SPAG16: variants seen among roughly 807,000 people sequenced by gnomAD.
The protein encoded by SPAG16 is sperm-associated antigen 16 protein.
Under a neutral mutation model 80.4 loss-of-function variants are expected in SPAG16, and 86 were observed. That is an observed-to-expected ratio of 1.07 (90% CI 0.90 to 1.28). The LOEUF is 1.28. Ranked by LOEUF, SPAG16 falls within the 50% of genes most tolerant of loss-of-function variation. The pLI, the probability that SPAG16 is intolerant of heterozygous loss-of-function variation, is 0.00. For missense variants in SPAG16, 870 were observed against 765.3 expected, an observed-to-expected ratio of 1.14 and a Z score of -1.61; for synonymous variants, 294 against 265.9, an observed-to-expected ratio of 1.11 and a Z score of -1.03.
At chr2:214,182,969 A>T (rs1459420925) in intron 15 of SPAG16, among the ~76,000 whole-genome samples, 2 of 151,970 alleles carry the variant, frequency 1.3e-5, no homozygotes, top group Admixed American at 1.3e-4. Context: ...GGTCATAGCG[A>T]TGAAGTGCCT....
intron 8 of SPAG16, among the ~76,000 whole-genome samples, chr2:213,369,413 T>C (rs1234418453): frequency 1.3e-5 from 2 of 152,134 alleles, no homozygotes; most frequent in African/African-American, 4.8e-5. Context: ...GTATGTAAAA[T>C]AAAGGAAAAT....
intron 10 of SPAG16, among the ~76,000 whole-genome samples, chr2:213,815,741 GT>G (rs1329987689): frequency 6.6e-6 from 1 of 151,744 alleles, no homozygotes; most frequent in Non-Finnish European, 1.5e-5. Flanking sequence ...CAAATGAAAT[GT>G]TTTTTAAAAT....
At chr2:214,335,069 A>G (rs1167291255) in intron 15 of SPAG16, among the ~76,000 whole-genome samples, 1 of 152,212 alleles carries the variant, frequency 6.6e-6, no homozygotes, top group East Asian at 1.9e-4. Context: ...AAGAACAGTA[A>G]TGAACTTGCA....
intron 15 of SPAG16, among the ~76,000 whole-genome samples, chr2:214,326,340 C>T (rs902401730): frequency 6.6e-6 from 1 of 152,174 alleles, no homozygotes; most frequent in Non-Finnish European, 1.5e-5. Flanking sequence ...GGAATAGAAT[C>T]TCCCCTAGAG....
Position 213,717,155 on chromosome 2 carries a change from C to CTT in SPAG16, c.1071-145330_1071-145329insTT, listed in dbSNP as rs1339762204. ...TCAACTGTGAAAAGCAGAAACTTTT[C>CTT]ATTTTTTTTTTTTTTTTTGAGACGG... On this transcript the variant is annotated intron_variant, in intron 10 of 15. Coordinates refer to ENST00000331683, the MANE Select transcript of SPAG16 (RefSeq NM_024532.5). Among the ~76,000 whole-genome samples, 9 of 139,166 alleles carry CTT rather than the reference C, an allele frequency of 6.5e-5. 1 individual carries two copies. The highest frequency in any genetic ancestry group is 2.3e-4 in the South Asian group (1 of 4,360). 91.3% of individuals were successfully genotyped at this position (139,166 alleles called of 152,430 possible).
chr2:213,825,775 T>C (rs529241331), intron 10 of SPAG16, among the ~76,000 whole-genome samples: 1 of 150,296 alleles, frequency 6.7e-6, no homozygotes, highest in South Asian at 2.1e-4. Flanking sequence ...ACTCATATAA[T>C]GGGTTCGGAA....
intron 10 of SPAG16, among the ~76,000 whole-genome samples, chr2:213,684,657 C>T (rs1323109206): frequency 6.6e-6 from 1 of 152,124 alleles, no homozygotes. Context: ...GACTTTTCCG[C>T]TCTTATAGCA....
intron 10 of SPAG16, among the ~76,000 whole-genome samples, chr2:213,645,218 A>C (rs1344849892): frequency 6.6e-6 from 1 of 152,108 alleles, no homozygotes; most frequent in Non-Finnish European, 1.5e-5. Context: ...GTGGTGAATG[A>C]GGAACTGGAC....
intron 10 of SPAG16, among the ~76,000 whole-genome samples, chr2:213,534,199 C>T (rs993281872): frequency 6.6e-6 from 1 of 151,976 alleles, no homozygotes; most frequent in Non-Finnish European, 1.5e-5. Context: ...TGGTGTTAAT[C>T]TTTGGGCTAT....
chr2:214,046,947 CAAATA>C (rs2049361727), intron 13 of SPAG16, among the ~76,000 whole-genome samples: 1 of 146,670 alleles, frequency 6.8e-6, no homozygotes, highest in Non-Finnish European at 1.5e-5. Flanking sequence ...ACATTAGGTA[CAAATA>C]AAATAATATA....
At chr2:213,814,829 G>T (rs567265780) in intron 10 of SPAG16, among the ~76,000 whole-genome samples, 1 of 151,536 alleles carries the variant, frequency 6.6e-6, no homozygotes, top group East Asian at 1.9e-4. Flanking sequence ...GACATTACAT[G>T]AAGATAAGGG....
intron 8 of SPAG16, among the ~76,000 whole-genome samples, chr2:213,371,905 C>G (rs1174271818): frequency 6.6e-6 from 1 of 151,998 alleles, no homozygotes; most frequent in African/African-American, 2.4e-5. Flanking sequence ...TGCTTTATTA[C>G]CTAATCTGAT....
At chr2:214,047,833 A>C (rs1015948255) in intron 13 of SPAG16, among the ~76,000 whole-genome samples, 1 of 151,886 alleles carries the variant, frequency 6.6e-6, no homozygotes, top group Non-Finnish European at 1.5e-5. Context: ...GAGCTCAAAC[A>C]ACTCTATAAA....
At chr2:213,894,147 A>T (rs941603400) in intron 11 of SPAG16, among the ~76,000 whole-genome samples, 1 of 152,182 alleles carries the variant, frequency 6.6e-6, no homozygotes, top group African/African-American at 2.4e-5. Context: ...GGAGGCCAAA[A>T]GTGCCCACTG....
intron 10 of SPAG16, among the ~76,000 whole-genome samples, chr2:213,686,289 T>C (rs1428147444): frequency 6.6e-6 from 1 of 152,170 alleles, no homozygotes; most frequent in African/African-American, 2.4e-5. Flanking sequence ...CAGCTAATTT[T>C]TGTATTTTTA....
At chr2:214,109,025 G>C (rs2053539619) in intron 14 of SPAG16, among the ~76,000 whole-genome samples, 1 of 152,080 alleles carries the variant, frequency 6.6e-6, no homozygotes, top group African/African-American at 2.4e-5. Context: ...TCCTGAATGG[G>C]TTAATGTCTT....
intron 13 of SPAG16, among the ~76,000 whole-genome samples, chr2:214,017,931 T>C (rs1405373859): frequency 2.6e-5 from 4 of 152,168 alleles, no homozygotes; most frequent in African/African-American, 9.7e-5. Flanking sequence ...TATTTTGGTT[T>C]AAATGAAATA....
At chr2:214,261,716 A>G (rs1691193528) in intron 15 of SPAG16, among the ~76,000 whole-genome samples, 1 of 152,128 alleles carries the variant, frequency 6.6e-6, no homozygotes, top group Admixed American at 6.5e-5. Context: ...TCTTTTTTCT[A>G]TCATCTTGGA....
intron 10 of SPAG16, among the ~76,000 whole-genome samples, chr2:213,849,642 T>C (rs2074807407): frequency 6.6e-6 from 1 of 152,208 alleles, no homozygotes; most frequent in South Asian, 2.1e-4. Flanking sequence ...CTGAATTTTA[T>C]GTCTTCAGTT....
Sources: gnomAD v4.1 joint callset for allele counts (sites outside exome capture counted in the v4.1 genomes callset) on GRCh38, gnomAD v4.1.1 for gene constraint, MANE v1.5 for transcripts, NCBI Gene and HGNC (gene_info 2026-07-23, HGNC 2026-07-21) for gene names.